PRH1: variants seen among roughly 807,000 people sequenced by gnomAD.
PRH1 encodes proline rich protein HaeIII subfamily 1.
PRH1 carries 7 observed loss-of-function variants against 7.9 expected under a neutral mutation model. The ratio of observed to expected loss-of-function variants is 0.89; its 90% confidence interval spans 0.50 to 1.67. The LOEUF (loss-of-function observed/expected upper bound fraction) is 1.67. Ranked by LOEUF, PRH1 falls within the 40% of genes most tolerant of loss-of-function variation. The pLI is 0.00. For missense variants in PRH1, 109 were observed against 223.6 expected (o/e 0.49, Z 3.27); for synonymous variants, 45 against 80.8 (o/e 0.56, Z 2.38).
chr12:11,137,775 C>G (rs1946596511), intron 1 of PRH1, among the ~76,000 whole-genome samples: 1 of 152,092 alleles, frequency 6.6e-6, no homozygotes, highest in Admixed American at 6.6e-5. Flanking sequence ...TTTAAAATTA[C>G]TTATTTTCCA....
chr12:11,074,214 T>TATAAAAAATAA (rs71457003), intron 1 of PRH1, among the ~76,000 whole-genome samples: 35,839 of 87,818 alleles, frequency 0.41, 9,876 homozygotes, highest in Non-Finnish European at 0.53. Flanking sequence ...TAAAGTCTAA[T>TATAAAAAATAA]TAAAAAGAGC....
intron 1 of PRH1, among the ~76,000 whole-genome samples, chr12:11,076,351 C>T (rs75708779): frequency 1.1e-4 from 2 of 17,964 alleles, no homozygotes; most frequent in Non-Finnish European, 3.7e-4. Context: ...TAACATTTAA[C>T]GAAAGTTTAA....
At position 10,882,314 on chromosome 12, in the gene PRH1, G is replaced by T; in HGVS notation, c.485C>A (p.Pro162His). ...QGGHQQGPPP[P>H]PPGKPQGPPP... The stretch of plus-strand genomic sequence containing the variant: ...TGGTCCCTGGGGCTTTCCAGGAGGA[G>T]GTGGGGGAGGACCTTGCTGATGGCC... Residue 162 changes from proline (P) to histidine (H), a missense_variant, in exon 3 of 4, where the codon CCT (proline) becomes CAT (histidine). Pro to His is a moderately conservative substitution (Grantham distance 77). Coordinates refer to ENST00000543626, the MANE Select transcript of PRH1 (RefSeq NM_001393989.1). 6.2e-7 allele frequency: 1 copy of T among 1,609,644 alleles called. No individual in the cohort carries two copies. Among genetic ancestry groups the T allele is most frequent in the Middle Eastern group, 1.9e-4 (1 of 5,328 alleles).
intron 2 of PRH1, among the ~76,000 whole-genome samples, chr12:10,931,999 C>T (rs2135870844): frequency 6.6e-6 from 1 of 152,290 alleles, no homozygotes; most frequent in Admixed American, 6.5e-5. Flanking sequence ...GCATGAACAA[C>T]CTAACAATAA....
At chr12:10,993,810 C>T (rs913426363) in intron 1 of PRH1, among the ~76,000 whole-genome samples, 1 of 152,116 alleles carries the variant, frequency 6.6e-6, no homozygotes, top group Non-Finnish European at 1.5e-5. Context: ...AATTCAAACC[C>T]GCTAGAGGCA....
intron 1 of PRH1, among the ~76,000 whole-genome samples, chr12:11,026,107 T>C (rs79294763): frequency 0.039 from 3,435 of 88,912 alleles, no homozygotes; most frequent in East Asian, 0.082. Flanking sequence ...AGGATCATAG[T>C]CCACTGCAGC....
Position 10,884,160 on chromosome 12 carries a change from T to C in PRH1, c.58A>G (p.Asn20Asp), listed in dbSNP as rs373050465. The change falls in exon 1 of 4, where the codon AAT becomes GAT. Residue 20 changes from asparagine (N) to aspartate (D), a missense_variant. Around this residue, in one of 3 missense-constraint regions of PRH1, gnomAD observed 60 missense variants for 76.5 expected, o/e 0.78. Coordinates refer to ENST00000543626, the MANE Select transcript of PRH1 (RefSeq NM_001393989.1). Reference sequence around the variant, plus strand: ...TTCCCCCAATTCATCTTACCTTCATTTAAATCCTGAGCTGAGCTGAAGGCC... The same window carrying C: ...TTCCCCCAATTCATCTTACCTTCATCTAAATCCTGAGCTGAGCTGAAGGCC... ...LLAFSSAQDL[N>D]EDVSQEDVPL... 13 of 1,614,110 alleles carry C rather than the reference T, an allele frequency of 8.1e-6. No homozygotes were observed. The East Asian group carries it at 2.2e-4, about 28-fold the overall frequency.
At chr12:11,045,317 C>A (rs1232089862) in intron 1 of PRH1, among the ~76,000 whole-genome samples, 329 of 138,512 alleles carry the variant, frequency 2.4e-3, no homozygotes, top group Non-Finnish European at 2.2e-3. Flanking sequence ...TAATGGTTAC[C>A]AAAAAAAAAA....
At chr12:10,944,623 C>T (rs142914573) in intron 2 of PRH1, among the ~76,000 whole-genome samples, 5 of 152,252 alleles carry the variant, frequency 3.3e-5, no homozygotes, top group East Asian at 1.9e-4. Flanking sequence ...CAGAGGGAAT[C>T]GTTTCCTGTT....
At chr12:10,983,889 A>G (rs1323073996) in intron 1 of PRH1, among the ~76,000 whole-genome samples, 3 of 152,186 alleles carry the variant, frequency 2.0e-5, no homozygotes, top group African/African-American at 7.2e-5. Context: ...TTATCTTCCA[A>G]ATAAATGTTA....
At chr12:10,949,176 G>A (rs1275512115) in intron 2 of PRH1, among the ~76,000 whole-genome samples, 1 of 152,140 alleles carries the variant, frequency 6.6e-6, no homozygotes, top group African/African-American at 2.4e-5. Flanking sequence ...AGTGGTTGTG[G>A]CCAAGAGTCA....
intron 1 of PRH1, among the ~76,000 whole-genome samples, chr12:11,106,875 G>T (rs1945438239): frequency 6.6e-6 from 1 of 152,162 alleles, no homozygotes; most frequent in Middle Eastern, 3.2e-3. Flanking sequence ...TAGTCTTTAT[G>T]AGGAGTTAGT....
intron 1 of PRH1, among the ~76,000 whole-genome samples, chr12:11,018,364 C>T (rs1388772471): frequency 6.6e-6 from 1 of 152,232 alleles, no homozygotes; most frequent in Non-Finnish European, 1.5e-5. Context: ...AGTTGGAGGG[C>T]ATGAGCACAT....
Position 11,022,441 on chromosome 12 carries a change from G to A in PRH1, c.-126+24579C>T, listed in dbSNP as rs780110796. The A allele has an allele frequency of 5.0e-6, 8 of 1,614,018 alleles. No individual in the cohort carries two copies. In the African/African-American group the frequency reaches 5.3e-5, roughly 11 times the overall value. On this transcript the variant is annotated intron_variant, in intron 1 of 3. Coordinates refer to the PRH1 transcript ENST00000539853. Reference sequence around the variant, plus strand: ...CACCAGAGCAGTGAGAATTTGCTCAGCTGAGGAGATCTTTCGTGTGTTAAC... The same window carrying A: ...CACCAGAGCAGTGAGAATTTGCTCAACTGAGGAGATCTTTCGTGTGTTAAC...
At chr12:10,888,949 C>A (rs1949532580), upstream of PRH1, among the ~76,000 whole-genome samples, 2 of 152,142 alleles carry the variant, frequency 1.3e-5, no homozygotes, top group Admixed American at 1.3e-4. Flanking sequence ...GCTGAGTTTC[C>A]TCCTAGAGGC....
intron 1 of PRH1, among the ~76,000 whole-genome samples, chr12:11,036,101 G>A (rs1942424234): frequency 1.3e-5 from 2 of 152,126 alleles, no homozygotes; most frequent in South Asian, 4.1e-4. Context: ...TACTGTGTTC[G>A]CCAGGATGGT....
At chr12:11,001,799 G>T (rs547483835) in intron 1 of PRH1, among the ~76,000 whole-genome samples, 2 of 152,082 alleles carry the variant, frequency 1.3e-5, no homozygotes, top group African/African-American at 2.4e-5. Flanking sequence ...AAAAGGAGTA[G>T]AAGTACACGT....
At chr12:10,974,722 C>T (rs1305128965) in intron 1 of PRH1, among the ~76,000 whole-genome samples, 1 of 152,138 alleles carries the variant, frequency 6.6e-6, no homozygotes, top group African/African-American at 2.4e-5. Context: ...TCTGGCAACA[C>T]GAAAAGCCAG....
rs113928687 is a variant in PRH1 at position 10,905,214 on chromosome 12, AT to A, written c.-58-20940del. Among the ~76,000 whole-genome samples the A allele has an allele frequency of 2.7e-3, 385 of 144,210 alleles. 1 individual carries two copies. Among genetic ancestry groups the A allele is most frequent in the African/African-American group, 3.9e-3 (154 of 39,644 alleles). The allele number at this position is 144,210 out of a possible 152,430, so 94.6% of individuals were successfully genotyped here. A position where few individuals can be genotyped will look rare whatever the true frequency, so the allele number is the denominator to read the frequency against. On this transcript the variant is annotated intron_variant, in intron 2 of 3. Coordinates refer to the PRH1 transcript ENST00000539853. ...ACGCCACACTTTTTTGGTCTAATCC[AT>A]TTTTTTTTTTTTGAGACAGAGTTTC...
Sources: allele counts gnomAD v4.1 joint callset (sites outside exome capture counted in the v4.1 genomes callset), GRCh38; gene constraint gnomAD v4.1.1; regional missense constraint gnomAD v4.1.1; transcripts MANE v1.5; gene names NCBI Gene and HGNC (gene_info 2026-07-23, HGNC 2026-07-21).